Variants in CCDC85A observed in about 807,000 individuals in gnomAD.
CCDC85A encodes coiled-coil domain-containing protein 85A.
In CCDC85A, 38 loss-of-function variants were observed where a neutral mutation model predicts 50.2. The ratio of observed to expected loss-of-function variants is 0.76; its 90% CI spans 0.58 to 0.99. CCDC85A has a LOEUF of 0.99. Among genes scored for constraint, CCDC85A ranks in the 50% least tolerant of loss-of-function variants. CCDC85A has a pLI of 0.00. For synonymous variants in CCDC85A, 366 were observed against 301.4 expected (o/e 1.21, Z -2.22); for missense variants, 820 against 742.0 (o/e 1.11, Z -1.22).
At chr2:56,341,316 G>A (rs1674358726) in intron 2 of CCDC85A, among the ~76,000 whole-genome samples, 1 of 152,048 alleles carries the variant, frequency 6.6e-6, no homozygotes, top group East Asian at 1.9e-4. Flanking sequence ...TATCTATTGG[G>A]TTGACTGCAA....
intron 2 of CCDC85A, among the ~76,000 whole-genome samples, chr2:56,279,317 T>C (rs568478495): frequency 6.6e-6 from 1 of 152,258 alleles, no homozygotes; most frequent in South Asian, 2.1e-4. Context: ...AATCCAATGG[T>C]TTTCAGTTTG....
intron 2 of CCDC85A, among the ~76,000 whole-genome samples, chr2:56,211,639 C>G (rs1268213644): frequency 6.6e-6 from 1 of 152,002 alleles, no homozygotes; most frequent in Non-Finnish European, 1.5e-5. Flanking sequence ...GAGAAGGCAT[C>G]ACAATTTCCC....
At chr2:56,285,100 T>TC (rs1289566685) in intron 2 of CCDC85A, among the ~76,000 whole-genome samples, 1 of 151,340 alleles carries the variant, frequency 6.6e-6, no homozygotes, top group Non-Finnish European at 1.5e-5. Context: ...TTCTTTTCTT[T>TC]CTTTTTTTTT....
At chr2:56,249,536 T>C (rs1227723441) in intron 2 of CCDC85A, among the ~76,000 whole-genome samples, 1 of 152,224 alleles carries the variant, frequency 6.6e-6, no homozygotes, top group Admixed American at 6.5e-5. Context: ...CTGTGGAAGC[T>C]TTGAGGTCAC....
At chr2:56,254,501 A>G (rs1669899466) in intron 2 of CCDC85A, among the ~76,000 whole-genome samples, 1 of 152,238 alleles carries the variant, frequency 6.6e-6, no homozygotes, top group South Asian at 2.1e-4. Flanking sequence ...GCACTGTGTT[A>G]GACATGGCAG....
chr2:56,262,297 G>A (rs900339989), intron 2 of CCDC85A, among the ~76,000 whole-genome samples: 1 of 145,554 alleles, frequency 6.9e-6, no homozygotes, highest in African/African-American at 2.4e-5. Flanking sequence ...TGTTATTTTA[G>A]TATGAATAGG....
At chr2:56,353,526 A>G (rs943993168) in intron 3 of CCDC85A, among the ~76,000 whole-genome samples, 8 of 152,188 alleles carry the variant, frequency 5.3e-5, no homozygotes, top group African/African-American at 1.9e-4. Context: ...TGCCTTATAC[A>G]TTTGCAAAGC....
chr2:56,215,734 C>T (rs1314897220), intron 2 of CCDC85A, among the ~76,000 whole-genome samples: 1 of 151,762 alleles, frequency 6.6e-6, no homozygotes, highest in Non-Finnish European at 1.5e-5. Context: ...GTACATTAAT[C>T]TTGAGCAGAT....
At chr2:56,362,713 G>A (rs1675593965) in intron 3 of CCDC85A, among the ~76,000 whole-genome samples, 1 of 152,092 alleles carries the variant, frequency 6.6e-6, no homozygotes, top group African/African-American at 2.4e-5. Flanking sequence ...CTGCAACCTG[G>A]GTTCAAGTGA....
In CCDC85A at chr2:56,192,964, G is replaced by T; in HGVS notation, c.764G>T (p.Ser255Ile). 6.2e-7 allele frequency: 1 copy of T among 1,613,728 alleles called. No homozygotes were observed. The stretch of plus-strand genomic sequence containing the variant: ...GAGCACTCCAAGCACAGGAGCGCCA[G>T]CCCCGAGCATCCACAGAAACCCAGA... ...SPEHSKHRSA[S>I]PEHPQKPRAC... is the part of the protein sequence containing the mutation. The change falls in exon 2 of 6, where the codon AGC becomes ATC. Residue 255 changes from serine (S) to isoleucine (I), a missense_variant. Ser to Ile is a moderately radical substitution (Grantham distance 142, BLOSUM62 -2). Coordinates refer to ENST00000407595, the MANE Select transcript of CCDC85A (RefSeq NM_001080433.2). The surrounding 1 kb of genome is among the most constrained non-coding windows in gnomAD (Gnocchi z 4.7).
At chr2:56,202,244 A>G (rs1417365393) in intron 2 of CCDC85A, among the ~76,000 whole-genome samples, 1 of 152,216 alleles carries the variant, frequency 6.6e-6, no homozygotes, top group African/African-American at 2.4e-5. Context: ...GCTCAGAGCT[A>G]TTGCCTGGAA....
intron 3 of CCDC85A, among the ~76,000 whole-genome samples, chr2:56,349,102 T>G (rs1674773343): frequency 6.6e-6 from 1 of 151,384 alleles, no homozygotes; most frequent in South Asian, 2.1e-4. Context: ...GAATTATACT[T>G]TTTTTTCTCA....
chr2:56,323,176 G>A (rs904674382), intron 2 of CCDC85A, among the ~76,000 whole-genome samples: 1 of 152,076 alleles, frequency 6.6e-6, no homozygotes, highest in Admixed American at 6.6e-5. Flanking sequence ...GATAGCATTA[G>A]GAGATATACC....
intron 2 of CCDC85A, among the ~76,000 whole-genome samples, chr2:56,199,094 C>T (rs540607527): frequency 4.3e-4 from 66 of 152,288 alleles, no homozygotes; most frequent in Non-Finnish European, 6.8e-4. Context: ...ATTAGTGATG[C>T]ATGTATCATT....
At chr2:56,283,504 C>T (rs555267412) in intron 2 of CCDC85A, among the ~76,000 whole-genome samples, 1 of 152,210 alleles carries the variant, frequency 6.6e-6, no homozygotes, top group South Asian at 2.1e-4. Context: ...TTTGGATTTA[C>T]TATTACTTTC....
chr2:56,288,800 C>A (rs907150985), intron 2 of CCDC85A, among the ~76,000 whole-genome samples: 2 of 152,098 alleles, frequency 1.3e-5, no homozygotes, highest in Non-Finnish European at 2.9e-5. Context: ...AAATTAACAC[C>A]ATTTTCCTAG....
At chr2:56,233,197 T>A (rs1668848565) in intron 2 of CCDC85A, among the ~76,000 whole-genome samples, 1 of 152,164 alleles carries the variant, frequency 6.6e-6, no homozygotes. Flanking sequence ...TACTGATTGG[T>A]TGGTGCACAT....
chr2:56,231,102 T>A (rs959216981), intron 2 of CCDC85A, among the ~76,000 whole-genome samples: 2 of 152,230 alleles, frequency 1.3e-5, no homozygotes, highest in African/African-American at 4.8e-5. Context: ...AATACTACTT[T>A]GTCTTTATGA....
rs148171662 is a variant in CCDC85A, at chr2:56,282,922, A to G, written c.1241-59957A>G. Among the ~76,000 whole-genome samples, 513 of 152,318 alleles carry G rather than the reference A, an allele frequency of 3.4e-3. 4 individuals carry two copies. Among genetic ancestry groups the G allele is most frequent in the African/African-American group, 0.012 (493 of 41,574 alleles). On this transcript the variant is annotated intron_variant, in intron 2 of 5. Coordinates refer to ENST00000407595, the MANE Select transcript of CCDC85A (RefSeq NM_001080433.2). Reference sequence around the variant, plus strand: ...ATTCATTCCTAATGACTTAATTTTTATAGTATTGTTAATGGTACTAAAATG... The same window carrying G: ...ATTCATTCCTAATGACTTAATTTTTGTAGTATTGTTAATGGTACTAAAATG...
Sources: allele counts gnomAD v4.1 joint callset (sites outside exome capture counted in the v4.1 genomes callset), GRCh38; gene constraint gnomAD v4.1.1; non-coding constraint Gnocchi (gnomAD v3.1); transcripts MANE v1.5; gene names NCBI Gene and HGNC (gene_info 2026-07-23, HGNC 2026-07-21).